CAST: variants seen among roughly 807,000 people sequenced by gnomAD.
CAST encodes the protein MIR583 host.
In CAST, 76 loss-of-function variants were observed where a neutral mutation model predicts 119.6. That is an observed-to-expected ratio of 0.64 (90% confidence interval 0.53 to 0.77). The LOEUF is 0.77. CAST is among the 30% of genes least tolerant of loss of function. The pLI is 0.00. For missense variants in CAST, 953 were observed against 946.5 expected (o/e 1.01, Z -0.09); for synonymous variants, 319 against 331.6 (o/e 0.96, Z 0.41).
the CAST span, among the ~76,000 whole-genome samples, chr5:96,092,044 G>T: frequency 6.6e-6 from 1 of 152,128 alleles, no homozygotes; most frequent in Non-Finnish European, 1.5e-5. Flanking sequence ...AGTGATGAAT[G>T]AATGAATGAA....
At chr5:96,059,429 C>T in the CAST span, among the ~76,000 whole-genome samples, 5 of 152,060 alleles carry the variant, frequency 3.3e-5, no homozygotes, top group South Asian at 2.1e-4. Context: ...AATAATAGCA[C>T]GGCAAATGAT....
At chr5:96,647,513 T>C (rs1748029188) in intron 1 of CAST, among the ~76,000 whole-genome samples, 1 of 152,166 alleles carries the variant, frequency 6.6e-6, no homozygotes, top group Admixed American at 6.5e-5. Context: ...TGAGTTGAAA[T>C]GTGTCCCCCC....
chr5:96,632,680 G>A (rs4869302), intron 1 of CAST, among the ~76,000 whole-genome samples: 23,995 of 92,378 alleles, frequency 0.26, 2,942 homozygotes, highest in African/African-American at 0.5. Context: ...GCTATTTGTC[G>A]AAAAGACTAT....
intron 1 of CAST, among the ~76,000 whole-genome samples, chr5:96,547,186 G>A (rs991146096): frequency 6.6e-6 from 1 of 152,138 alleles, no homozygotes; most frequent in African/African-American, 2.4e-5. Flanking sequence ...GATTGATTAT[G>A]GAAATTGGCT....
the CAST span, among the ~76,000 whole-genome samples, chr5:96,112,383 T>C: frequency 6.6e-6 from 1 of 152,140 alleles, no homozygotes; most frequent in Non-Finnish European, 1.5e-5. Context: ...CAAAGATTGG[T>C]TGGCAATTAC....
At position 96,652,844 on chromosome 5, in the gene CAST, C is replaced by T. The variant is rs1748110568; in HGVS notation, c.61-22695C>T. Among the ~76,000 whole-genome samples the T allele has an allele frequency of 2.6e-5, 4 of 152,318 alleles. No individual in the cohort carries two copies. The South Asian group carries it at 8.3e-4, about 32-fold the overall frequency. ...ACAGTCAGAGGCTGACTACTGCATA[C>T]TTCAGAAGGGGCACAGACTGCACGG... On this transcript the variant is annotated intron_variant, in intron 1 of 11. Transcript: ENST00000505143.
At chr5:96,333,369 C>T in the CAST span, among the ~76,000 whole-genome samples, 1 of 152,130 alleles carries the variant, frequency 6.6e-6, no homozygotes, top group African/African-American at 2.4e-5. Context: ...GAATGAGCAG[C>T]CTTTTCCTGT....
chr5:96,543,570 C>G (rs1745955417), intron 1 of CAST, among the ~76,000 whole-genome samples: 1 of 152,100 alleles, frequency 6.6e-6, no homozygotes, highest in East Asian at 1.9e-4. Flanking sequence ...AATAAAGTGT[C>G]TTTTACAGAA....
the CAST span, among the ~76,000 whole-genome samples, chr5:96,095,507 G>A: frequency 3.1e-5 from 4 of 130,388 alleles, no homozygotes; most frequent in Non-Finnish European, 6.2e-5. Context: ...GCTGCAGTGA[G>A]CTATTATTGT....
the CAST span, among the ~76,000 whole-genome samples, chr5:96,152,031 C>T: frequency 6.6e-6 from 1 of 152,224 alleles, no homozygotes; most frequent in Non-Finnish European, 1.5e-5. Flanking sequence ...AAACACAGAG[C>T]TCACATGACA....
chr5:96,467,669 T>G, the CAST span, among the ~76,000 whole-genome samples: 9 of 151,802 alleles, frequency 5.9e-5, no homozygotes, highest in Non-Finnish European at 1.2e-4. Flanking sequence ...AGTATCTTTT[T>G]AAAAAATCTG....
intron 4 of CAST, among the ~76,000 whole-genome samples, chr5:96,723,330 G>A (rs1758651129): frequency 6.6e-6 from 1 of 152,028 alleles, no homozygotes; most frequent in Non-Finnish European, 1.5e-5. Context: ...ATTCCTCTAA[G>A]TACATTTCTC....
At chr5:96,088,690 T>A in the CAST span, among the ~76,000 whole-genome samples, 1 of 152,222 alleles carries the variant, frequency 6.6e-6, no homozygotes, top group Non-Finnish European at 1.5e-5. Context: ...ATTTTCCTTT[T>A]GTTTCAGTAT....
At chr5:96,435,424 A>G in the CAST span, among the ~76,000 whole-genome samples, 6 of 152,346 alleles carry the variant, frequency 3.9e-5, no homozygotes, top group East Asian at 1.2e-3. Context: ...TTTTTATCCT[A>G]TGAACCTCTT....
At chr5:96,433,123 C>A in the CAST span, 1 of 1,325,670 alleles carries the variant, frequency 7.5e-7, no homozygotes, top group Non-Finnish European at 1.1e-6. Context: ...ACAGACTCCC[C>A]CTTCCCACCC....
chr5:96,530,190 G>A (rs964994440), intron 1 of CAST, among the ~76,000 whole-genome samples: 4 of 152,122 alleles, frequency 2.6e-5, no homozygotes, highest in Admixed American at 6.5e-5. Flanking sequence ...AGGGAGGAAG[G>A]GAGCAGCCTT....
At chr5:96,620,468 C>T (rs1008861912) in intron 1 of CAST, among the ~76,000 whole-genome samples, 39 of 151,896 alleles carry the variant, frequency 2.6e-4, no homozygotes, top group African/African-American at 8.7e-4. Flanking sequence ...GTTGCAGCTC[C>T]GAATCAGCCA....
the CAST span, among the ~76,000 whole-genome samples, chr5:96,061,161 C>T: frequency 6.6e-6 from 1 of 152,020 alleles, no homozygotes; most frequent in African/African-American, 2.4e-5. Context: ...ACACAAAATT[C>T]CACTCCTAAC....
chr5:96,544,829 T>A (rs1317636245), intron 1 of CAST, among the ~76,000 whole-genome samples: 2 of 148,034 alleles, frequency 1.4e-5, no homozygotes. Flanking sequence ...TAGGAGTGGA[T>A]AAAAAAAAAA....
Sources: allele counts gnomAD v4.1 joint callset (sites outside exome capture counted in the v4.1 genomes callset), GRCh38; gene constraint gnomAD v4.1.1; transcripts MANE v1.5; gene names NCBI Gene and HGNC (gene_info 2026-07-23, HGNC 2026-07-21).